WDR7: variants seen among roughly 807,000 people sequenced by gnomAD.
WDR7 encodes the protein WD repeat-containing protein 7.
A neutral mutation model predicts 169.4 loss-of-function variants in WDR7; 46 were observed. The observed-to-expected ratio is 0.27, with a 90% CI of 0.21 to 0.35. The LOEUF (loss-of-function observed/expected upper bound fraction) is 0.35. Among genes scored for constraint, WDR7 ranks in the 10% least tolerant of loss-of-function variants. The probability of loss-of-function intolerance (pLI) is 1.00; values close to 1 mark genes in which losing one functional copy is unlikely to be tolerated. For synonymous variants in WDR7, 612 were observed against 666.8 expected, an observed-to-expected ratio of 0.92 and a Z score of 1.27; for missense variants, 1,534 against 1,859.3, an observed-to-expected ratio of 0.83 and a Z score of 3.22.
intron 15 of WDR7, among the ~76,000 whole-genome samples, chr18:56,758,468 T>G (rs1438979895): frequency 1.3e-5 from 2 of 152,220 alleles, no homozygotes; most frequent in Admixed American, 6.5e-5. Context: ...CCAAGATTTC[T>G]TAATGCCTGA....
intron 25 of WDR7, among the ~76,000 whole-genome samples, chr18:56,961,832 G>A (rs945830096): frequency 1.3e-5 from 2 of 152,092 alleles, no homozygotes; most frequent in Non-Finnish European, 2.9e-5. Context: ...GGTAAACATG[G>A]GAAATCAAGG....
chr18:56,734,474 A>G (rs1297231533), intron 14 of WDR7, among the ~76,000 whole-genome samples: 1 of 151,804 alleles, frequency 6.6e-6, no homozygotes, highest in Admixed American at 6.6e-5. Context: ...GACGTTGTCA[A>G]ATTTCCCTTA....
chr18:56,863,844 C>A (rs2045844255), intron 20 of WDR7, among the ~76,000 whole-genome samples: 1 of 151,616 alleles, frequency 6.6e-6, no homozygotes, highest in Non-Finnish European at 1.5e-5. Flanking sequence ...GTTCTGTGTA[C>A]CTATTGATGT....
intron 14 of WDR7, among the ~76,000 whole-genome samples, chr18:56,740,943 G>A (rs1342392282): frequency 6.6e-6 from 1 of 152,018 alleles, no homozygotes; most frequent in South Asian, 2.1e-4. Context: ...CAAAAGCTCT[G>A]TTGCTTTCTG....
At chr18:57,025,875 A>G (rs2048360088) in intron 27 of WDR7, among the ~76,000 whole-genome samples, 1 of 152,240 alleles carries the variant, frequency 6.6e-6, no homozygotes, top group Non-Finnish European at 1.5e-5. Flanking sequence ...AGGATTTGCC[A>G]GAGTTTCATG....
At chr18:56,802,879 G>A (rs922035137) in intron 19 of WDR7, among the ~76,000 whole-genome samples, 1 of 150,988 alleles carries the variant, frequency 6.6e-6, no homozygotes, top group Non-Finnish European at 1.5e-5. Flanking sequence ...AAACTCATTG[G>A]CAAATACAAG....
At chr18:56,945,338 G>A (rs143596545) in intron 25 of WDR7, among the ~76,000 whole-genome samples, 6 of 152,254 alleles carry the variant, frequency 3.9e-5, no homozygotes, top group South Asian at 4.1e-4. Flanking sequence ...TATGCAATTC[G>A]TGTCCAACTC....
chr18:56,828,181 C>G (rs1182742800), intron 20 of WDR7, among the ~76,000 whole-genome samples: 1 of 152,210 alleles, frequency 6.6e-6, no homozygotes, highest in Non-Finnish European at 1.5e-5. Flanking sequence ...CATATCCAAA[C>G]TACCACTTCA....
At chr18:56,791,805 G>A (rs538972610) in intron 19 of WDR7, among the ~76,000 whole-genome samples, 4 of 152,188 alleles carry the variant, frequency 2.6e-5, no homozygotes, top group African/African-American at 4.8e-5. Context: ...TTCCTTCTCC[G>A]TTTTGTCACT....
chr18:56,788,359 A>G (rs1348578594), intron 19 of WDR7, among the ~76,000 whole-genome samples: 1 of 152,128 alleles, frequency 6.6e-6, no homozygotes, highest in Non-Finnish European at 1.5e-5. Flanking sequence ...TTTATTGTCT[A>G]GTAATTGTTA....
intron 20 of WDR7, among the ~76,000 whole-genome samples, chr18:56,849,655 A>G (rs551713949): frequency 5.9e-5 from 9 of 152,316 alleles, no homozygotes; most frequent in African/African-American, 9.6e-5. Context: ...TTGTCTTCCT[A>G]TAGACCATTT....
intron 26 of WDR7, among the ~76,000 whole-genome samples, chr18:56,971,619 T>C (rs1425576919): frequency 2.6e-5 from 4 of 151,912 alleles, no homozygotes; most frequent in African/African-American, 9.7e-5. Context: ...TTGTTTAGGG[T>C]CTGGGGAGGA....
At chr18:56,845,580 ATTAT>A (rs1367453673) in intron 20 of WDR7, among the ~76,000 whole-genome samples, 1 of 151,498 alleles carries the variant, frequency 6.6e-6, no homozygotes, top group African/African-American at 2.4e-5. Context: ...TATGGTTTAA[ATTAT>A]TTAGTTGGTA....
At chr18:56,797,924 A>G (rs2044611502) in intron 19 of WDR7, among the ~76,000 whole-genome samples, 1 of 152,204 alleles carries the variant, frequency 6.6e-6, no homozygotes, top group Admixed American at 6.5e-5. Flanking sequence ...AGCCACTTCA[A>G]ACCTATCATC....
chr18:56,823,073 G>GA (rs1466212439), intron 20 of WDR7, among the ~76,000 whole-genome samples: 2 of 152,088 alleles, frequency 1.3e-5, no homozygotes, highest in South Asian at 4.1e-4. Flanking sequence ...TTAAAATACA[G>GA]AAAAAAATGA....
intron 21 of WDR7, among the ~76,000 whole-genome samples, chr18:56,901,135 C>T (rs2046395539): frequency 6.6e-6 from 1 of 152,182 alleles, no homozygotes; most frequent in Non-Finnish European, 1.5e-5. Flanking sequence ...CATGATGGCT[C>T]ATGCCTGTAA....
chr18:56,724,209 AT>A (rs58382196), intron 13 of WDR7, among the ~76,000 whole-genome samples: 8,541 of 97,704 alleles, frequency 0.087, 841 homozygotes, highest in African/African-American at 0.34. Context: ...ATGCCTGGTA[AT>A]TTTTTTTTTT....
At chr18:56,695,273 T>G in intron 11 of WDR7, 75 bp downstream of exon 11, 1 of 1,540,194 alleles carries the variant, frequency 6.5e-7, no homozygotes, top group East Asian at 2.3e-5. Context: ...CTCTGTTTTT[T>G]GTTTTTAAAT....
chr18:56,745,193 A>G (rs150611638), intron 14 of WDR7, among the ~76,000 whole-genome samples: 80 of 152,354 alleles, frequency 5.3e-4, no homozygotes, highest in African/African-American at 1.8e-3. Flanking sequence ...CCCAAACTAA[A>G]TGATGAACCT....
Sources: gnomAD v4.1 joint callset for allele counts (sites outside exome capture counted in the v4.1 genomes callset) on GRCh38, gnomAD v4.1.1 for gene constraint, MANE v1.5 for transcripts, NCBI Gene and HGNC (gene_info 2026-07-23, HGNC 2026-07-21) for gene names.